SFI1: variants seen among roughly 807,000 people sequenced by gnomAD.
SFI1 encodes the protein SFI1 centrin binding protein.
Under a neutral mutation model 207.5 loss-of-function variants are expected in SFI1, and 195 were observed. The ratio of observed to expected loss-of-function variants is 0.94; its 90% confidence interval spans 0.84 to 1.06. SFI1 has a LOEUF of 1.06. SFI1 is among the 50% of genes least tolerant of loss of function. The pLI is 0.00. For synonymous variants in SFI1, 630 were observed against 598.9 expected, an observed-to-expected ratio of 1.05 and a Z score of -0.76; for missense variants, 1,634 against 1,588.0, an observed-to-expected ratio of 1.03 and a Z score of -0.49.
chr22:31,581,156 T>A (rs2064123204), intron 12 of SFI1, among the ~76,000 whole-genome samples: 2 of 138,652 alleles, frequency 1.4e-5, no homozygotes, highest in African/African-American at 5.4e-5. Context: ...AATTTTTGTA[T>A]TTTTTGTAGA....
intron 15 of SFI1, among the ~76,000 whole-genome samples, chr22:31,595,983 C>G (rs781482364): frequency 6.6e-6 from 1 of 151,980 alleles, no homozygotes; most frequent in East Asian, 1.9e-4. Context: ...CCAGGTGTGG[C>G]GGCTCATGCC....
intron 8 of SFI1, among the ~76,000 whole-genome samples, chr22:31,564,230 G>A (rs1456809338): frequency 6.6e-6 from 1 of 151,204 alleles, no homozygotes; most frequent in Admixed American, 6.6e-5. Context: ...AGGAGGCTGA[G>A]GCAGGAGAAT....
intron 2 of SFI1, among the ~76,000 whole-genome samples, chr22:31,508,689 T>A (rs1167633643): frequency 6.6e-6 from 1 of 152,212 alleles, no homozygotes; most frequent in African/African-American, 2.4e-5. Flanking sequence ...TGTCTTCTAC[T>A]TTTGATCATG....
In SFI1 at chr22:31,618,558, C is replaced by A; in HGVS notation, c.*140C>A. ...AATGAATTACTGTTCAGAAGTCTCC[C>A]ACTTTTCATACAAAAATACTGTGCT... On this transcript the variant is annotated 3_prime_UTR_variant, in exon 33 of 33. Coordinates refer to ENST00000400288, the MANE Select transcript of SFI1 (RefSeq NM_001007467.3). 2.4e-6 allele frequency: 2 copies of A among 844,100 alleles called. No homozygotes were observed. The highest frequency in any genetic ancestry group is 3.4e-6 in the Non-Finnish European group (2 of 593,046). The allele number at this position is 844,100 out of a possible 1,614,324, so 52.3% of individuals were successfully genotyped here. A position where few individuals can be genotyped will look rare whatever the true frequency, so the allele number is the denominator to read the frequency against.
chr22:31,533,392 T>G (rs1243817707), intron 4 of SFI1, among the ~76,000 whole-genome samples: 1 of 152,058 alleles, frequency 6.6e-6, no homozygotes, highest in East Asian at 1.9e-4. Context: ...TAGCCAGGCA[T>G]GGTGGCAGGT....
At chr22:31,497,717 A>G (rs1443675801) in intron 1 of SFI1, among the ~76,000 whole-genome samples, 1 of 152,130 alleles carries the variant, frequency 6.6e-6, no homozygotes, top group Non-Finnish European at 1.5e-5. Context: ...TGTAAATGCA[A>G]CAACAAACCC....
intron 15 of SFI1, among the ~76,000 whole-genome samples, chr22:31,593,987 C>CCAGGGAGAGGGA (rs1569421632): frequency 1.9e-5 from 1 of 53,164 alleles, no homozygotes; most frequent in Non-Finnish European, 4.5e-5. Context: ...GAGACGGAGA[C>CCAGGGAGAGGGA]GAGGGAGAGG....
At chr22:31,506,371 G>GA (rs1215237610) in intron 1 of SFI1, among the ~76,000 whole-genome samples, 1 of 151,978 alleles carries the variant, frequency 6.6e-6, no homozygotes, top group Non-Finnish European at 1.5e-5. Context: ...TTAAAAAAAA[G>GA]AAAAGAAAGA....
At chr22:31,573,625 A>T (rs950115867) in intron 9 of SFI1, among the ~76,000 whole-genome samples, 7 of 151,970 alleles carry the variant, frequency 4.6e-5, no homozygotes, top group African/African-American at 1.7e-4. Context: ...TTTAGTAAAG[A>T]TGGGGTTTCA....
At chr22:31,534,614 C>T (rs1398591525) in intron 4 of SFI1, among the ~76,000 whole-genome samples, 1 of 152,026 alleles carries the variant, frequency 6.6e-6, no homozygotes, top group Non-Finnish European at 1.5e-5. Flanking sequence ...TGGTTTTTTC[C>T]CAGCACCTCA....
chr22:31,539,186 C>G (rs1329127064), intron 4 of SFI1, among the ~76,000 whole-genome samples: 2 of 152,162 alleles, frequency 1.3e-5, no homozygotes, highest in Non-Finnish European at 2.9e-5. Context: ...CCACCCAGTC[C>G]AAGCCATCAG....
intron 2 of SFI1, among the ~76,000 whole-genome samples, chr22:31,524,054 T>C (rs1358196090): frequency 2.0e-5 from 3 of 151,704 alleles, no homozygotes; most frequent in Non-Finnish European, 4.4e-5. Context: ...ATACAAAAAT[T>C]AGCCGGGCTT....
At chr22:31,507,022 T>C (rs537393577) in intron 1 of SFI1, among the ~76,000 whole-genome samples, 3 of 152,154 alleles carry the variant, frequency 2.0e-5, no homozygotes, top group East Asian at 1.9e-4. Flanking sequence ...AAAATTCATA[T>C]GGAACAAAAA....
chr22:31,524,984 G>C (rs2057741676), intron 2 of SFI1, among the ~76,000 whole-genome samples: 1 of 151,328 alleles, frequency 6.6e-6, no homozygotes, highest in South Asian at 2.1e-4. Flanking sequence ...AGTAGAGATG[G>C]GGTTTCACCA....
chr22:31,589,614 G>A (rs1204211742), intron 15 of SFI1, 37 bp downstream of exon 15: 1 of 1,582,964 alleles, frequency 6.3e-7, no homozygotes, highest in South Asian at 1.2e-5. Flanking sequence ...TGGGGCAGGT[G>A]TTTCAAATCT....
chr22:31,594,980 T>C (rs2066879709), intron 15 of SFI1, among the ~76,000 whole-genome samples: 2 of 151,452 alleles, frequency 1.3e-5, no homozygotes, highest in Non-Finnish European at 2.9e-5. Context: ...GAAGAAATAA[T>C]AATAATTTAT....
intron 12 of SFI1, among the ~76,000 whole-genome samples, chr22:31,583,484 T>C (rs1419239185): frequency 6.6e-6 from 1 of 152,238 alleles, no homozygotes; most frequent in Non-Finnish European, 1.5e-5. Flanking sequence ...AATTTTCCTT[T>C]AGTCTACATG....
At chr22:31,543,741 C>T (rs1602425191) in intron 4 of SFI1, among the ~76,000 whole-genome samples, 1 of 149,404 alleles carries the variant, frequency 6.7e-6, no homozygotes, top group Non-Finnish European at 1.5e-5. Flanking sequence ...ACCTAGGAGG[C>T]GGAGCTTGCA....
chr22:31,610,863 C>A (rs2069976012), intron 22 of SFI1, among the ~76,000 whole-genome samples: 1 of 152,214 alleles, frequency 6.6e-6, no homozygotes, highest in South Asian at 2.1e-4. Context: ...CCTGGCACCC[C>A]TGTGGAGGCT....
Sources: allele counts gnomAD v4.1 joint callset (sites outside exome capture counted in the v4.1 genomes callset), GRCh38; gene constraint gnomAD v4.1.1; transcripts MANE v1.5; gene names NCBI Gene and HGNC (gene_info 2026-07-23, HGNC 2026-07-21).